Variants in SAMD4A observed in about 807,000 individuals in gnomAD.
SAMD4A encodes protein Smaug homolog 1.
A neutral mutation model predicts 81.3 loss-of-function variants in SAMD4A; 33 were observed. The observed-to-expected ratio is 0.41, with a 90% CI of 0.31 to 0.54. SAMD4A has a LOEUF of 0.54. Among genes scored for constraint, SAMD4A ranks in the 20% least tolerant of loss-of-function variants. SAMD4A has a pLI of 0.37. For missense variants in SAMD4A, 854 were observed against 951.1 expected, an observed-to-expected ratio of 0.90 and a Z score of 1.34; for synonymous variants, 389 against 382.1, an observed-to-expected ratio of 1.02 and a Z score of -0.21.
At chr14:54,568,260 C>A (rs1004230072) in intron 2 of SAMD4A, 148 bp downstream of exon 2, 1 of 696,548 alleles carries the variant, frequency 1.4e-6, no homozygotes. Context: ...GGAATCCACC[C>A]CCTCCGGGTG....
chr14:54,581,546 T>A (rs1332244431), intron 2 of SAMD4A, among the ~76,000 whole-genome samples: 4 of 152,216 alleles, frequency 2.6e-5, no homozygotes, highest in African/African-American at 9.6e-5. Flanking sequence ...ATTGATTAGA[T>A]CATTAAATGT....
Position 54,744,047 on chromosome 14 carries a change from G to A in SAMD4A, c.980-4768G>A, listed in dbSNP as rs145282480. Among the ~76,000 whole-genome samples, 403 of 152,278 alleles carry A rather than the reference G, an allele frequency of 2.6e-3. 4 individuals are homozygous for A. The highest frequency in any genetic ancestry group is 8.9e-3 in the African/African-American group (370 of 41,546). On this transcript the variant is annotated intron_variant, in intron 4 of 12. Transcript: ENST00000554335. ...TCAAGGGTGCAGTCATATCTTGGAG[G>A]GAGAGAGCTTTTGAGAGCAGTCTGG... is the stretch of plus-strand genomic sequence containing the variant.
intron 2 of SAMD4A, among the ~76,000 whole-genome samples, chr14:54,618,997 A>G (rs2034554055): frequency 6.6e-6 from 1 of 152,200 alleles, no homozygotes; most frequent in South Asian, 2.1e-4. Flanking sequence ...GAAAGAAAAA[A>G]AGAGCCCCTT....
rs969553968 is a variant in SAMD4A, at chr14:54,694,471, TGTG to T, written c.197-7587_197-7585del. ...TAGGAAAGAGGAGCAAAGAAGCAGA[TGTG>T]GTGAGAGTGAGAGCAAGAGTTGGGT... On this transcript the variant is annotated intron_variant, in intron 2 of 12. Coordinates refer to ENST00000554335, the MANE Select transcript of SAMD4A (RefSeq NM_015589.6). 1.9e-5 allele frequency: 4 copies of T among 212,806 alleles called. No homozygotes were observed. The Admixed American group carries it at 2.0e-4, about 10-fold the overall frequency. 13.2% of individuals were successfully genotyped at this position (212,806 alleles called of 1,614,324 possible).
At chr14:54,576,231 C>A (rs2033292947) in intron 2 of SAMD4A, among the ~76,000 whole-genome samples, 1 of 152,094 alleles carries the variant, frequency 6.6e-6, no homozygotes, top group Admixed American at 6.6e-5. Context: ...AATACATACA[C>A]AACATTGACT....
chr14:54,598,250 A>G (rs1312959241), intron 2 of SAMD4A, among the ~76,000 whole-genome samples: 1 of 152,208 alleles, frequency 6.6e-6, no homozygotes, highest in Non-Finnish European at 1.5e-5. Context: ...CTTGCGTAAC[A>G]TAGCTGTTAT....
intron 3 of SAMD4A, among the ~76,000 whole-genome samples, chr14:54,720,827 A>C (rs1353107217): frequency 6.6e-6 from 1 of 152,094 alleles, no homozygotes; most frequent in Non-Finnish European, 1.5e-5. Context: ...CTTCAGAGGT[A>C]CCTGCTCTCC....
At chr14:54,723,187 A>AT (rs2037306661) in intron 3 of SAMD4A, among the ~76,000 whole-genome samples, 1 of 151,956 alleles carries the variant, frequency 6.6e-6, no homozygotes, top group Admixed American at 6.5e-5. Flanking sequence ...TTCTGGTTTG[A>AT]TTTTTTGTGT....
At position 54,751,551 on chromosome 14, in the gene SAMD4A, T is replaced by G; in HGVS notation, c.1176+14T>G. On this transcript the variant is annotated intron_variant, in intron 6 of 12. Transcript: ENST00000554335. ...TCTTTGGAAAGGGTAAGTTATCGGA[T>G]GAGGGAACATTTCCACTTTCATTAT... The G allele has an allele frequency of 6.6e-7, 1 of 1,516,068 alleles. No homozygotes were observed. Among genetic ancestry groups the G allele is most frequent in the South Asian group, 1.2e-5 (1 of 86,920 alleles). The allele number at this position is 1,516,068 out of a possible 1,614,324, so 93.9% of individuals were successfully genotyped here.
intron 6 of SAMD4A, among the ~76,000 whole-genome samples, 197 bp downstream of exon 6, chr14:54,751,734 G>A (rs1173372709): frequency 6.6e-6 from 1 of 152,222 alleles, no homozygotes; most frequent in Non-Finnish European, 1.5e-5. Context: ...ATGCCTCAGT[G>A]TGCTTATTCC....
At chr14:54,658,828 G>A (rs775379990) in intron 2 of SAMD4A, among the ~76,000 whole-genome samples, 3 of 152,122 alleles carry the variant, frequency 2.0e-5, no homozygotes, top group African/African-American at 7.2e-5. Flanking sequence ...GCATAGCCTC[G>A]TATTACTATT....
At chr14:54,775,489 T>C (rs546055031) in intron 10 of SAMD4A, among the ~76,000 whole-genome samples, 12 of 152,328 alleles carry the variant, frequency 7.9e-5, no homozygotes, top group African/African-American at 2.9e-4. Context: ...CTTGCCCTTT[T>C]TATCCATGGC....
intron 2 of SAMD4A, among the ~76,000 whole-genome samples, chr14:54,613,197 G>A (rs1234145986): frequency 2.0e-5 from 3 of 151,734 alleles, no homozygotes; most frequent in African/African-American, 7.3e-5. Flanking sequence ...AGGAAGGAAA[G>A]GGAAGGAAAG....
At chr14:54,663,730 T>C (rs1181967557) in intron 2 of SAMD4A, among the ~76,000 whole-genome samples, 1 of 152,228 alleles carries the variant, frequency 6.6e-6, no homozygotes. Flanking sequence ...ATTAGCTCTT[T>C]CTTTGGTTGA....
At chr14:54,779,162 A>T (rs1470457868) in intron 11 of SAMD4A, among the ~76,000 whole-genome samples, 3 of 152,118 alleles carry the variant, frequency 2.0e-5, no homozygotes, top group Non-Finnish European at 4.4e-5. Context: ...CACACAAAGC[A>T]GTGCAATCTG....
chr14:54,713,695 A>G (rs1057184202), intron 3 of SAMD4A, among the ~76,000 whole-genome samples: 2 of 152,220 alleles, frequency 1.3e-5, no homozygotes, highest in African/African-American at 4.8e-5. Context: ...TGGAGCTAAA[A>G]GATTTATAAT....
At chr14:54,768,552 G>A (rs1213553202) in intron 8 of SAMD4A, among the ~76,000 whole-genome samples, 1 of 152,204 alleles carries the variant, frequency 6.6e-6, no homozygotes. Context: ...GCCCACATGT[G>A]TCCTCACACA....
chr14:54,595,629 A>C (rs1305924603), intron 2 of SAMD4A, among the ~76,000 whole-genome samples: 3 of 152,052 alleles, frequency 2.0e-5, no homozygotes, highest in African/African-American at 7.2e-5. Context: ...TACGATACTT[A>C]GATATTTAGA....
rs1555355466 is a variant in SAMD4A at position 54,790,672 on chromosome 14, T to TTTGTG, written c.*1729_*1730insTGTGT. The stretch of plus-strand genomic sequence containing the variant: ...TTACATGGATGAGTCGGGTGCCTGG[T>TTTGTG]TGTGTGTGTGTGTGTGTGTGTGTGT... On this transcript the variant is annotated 3_prime_UTR_variant, in exon 13 of 13. Transcript: ENST00000554335. The TTTGTG allele has an allele frequency of 7.0e-6, 1 of 141,930 alleles. No individual in the cohort carries two copies. Among genetic ancestry groups the TTTGTG allele is most frequent in the South Asian group, 2.3e-4 (1 of 4,368 alleles). The allele number at this position is 141,930 out of a possible 1,614,324, so 8.8% of individuals were successfully genotyped here.
Sources: allele counts gnomAD v4.1 joint callset (sites outside exome capture counted in the v4.1 genomes callset), GRCh38; gene constraint gnomAD v4.1.1; transcripts MANE v1.5; gene names NCBI Gene and HGNC (gene_info 2026-07-23, HGNC 2026-07-21).